Variants in ECT2L observed in about 807,000 individuals in gnomAD.
ECT2L encodes the protein epithelial cell transforming 2 like, also known as epithelial cell-transforming sequence 2 oncogene-like.
Under a neutral mutation model 122.8 loss-of-function variants are expected in ECT2L, and 126 were observed. The observed-to-expected ratio is 1.03, with a 90% confidence interval of 0.89 to 1.19. The LOEUF is 1.19. Among genes scored for constraint, ECT2L ranks in the 50% most tolerant of loss-of-function variants. The pLI, the probability that ECT2L is intolerant of heterozygous loss-of-function variation, is 0.00. For missense variants in ECT2L, 1,012 were observed against 1,064.1 expected, an observed-to-expected ratio of 0.95 and a Z score of 0.68; for synonymous variants, 385 against 381.8, an observed-to-expected ratio of 1.01 and a Z score of -0.10.
chr6:138,826,928 C>A (rs1776473045), intron 4 of ECT2L, among the ~76,000 whole-genome samples: 1 of 152,138 alleles, frequency 6.6e-6, no homozygotes, highest in Non-Finnish European at 1.5e-5. Flanking sequence ...GTGCCTGCTT[C>A]CCCTTCACCT....
intron 10 of ECT2L, among the ~76,000 whole-genome samples, chr6:138,856,597 T>A (rs114924824): frequency 8.7e-4 from 132 of 152,336 alleles, no homozygotes; most frequent in African/African-American, 3.0e-3. Flanking sequence ...TCCTTCCTTG[T>A]TAAACTTGGA....
At chr6:138,892,097 C>G (rs1292404213) in intron 20 of ECT2L, among the ~76,000 whole-genome samples, 1 of 152,148 alleles carries the variant, frequency 6.6e-6, no homozygotes, top group Admixed American at 6.6e-5. Flanking sequence ...GTCCCTATTA[C>G]TTGGATATTC....
intron 1 of ECT2L, among the ~76,000 whole-genome samples, chr6:138,807,299 G>A (rs907991368): frequency 6.6e-6 from 1 of 152,014 alleles, no homozygotes; most frequent in East Asian, 1.9e-4. Context: ...ACTAAAATTT[G>A]CCCCAAAACT....
chr6:138,859,034 T>C (rs775007029), intron 10 of ECT2L, among the ~76,000 whole-genome samples: 5 of 152,140 alleles, frequency 3.3e-5, no homozygotes, highest in Admixed American at 6.5e-5. Context: ...TTTTTTAATA[T>C]GGAACAGCTC....
In ECT2L at chr6:138,886,872, A is replaced by G. The variant is rs1390874612; in HGVS notation, c.2275A>G (p.Thr759Ala). ...TTTCCCCTAGATGAAGCAAAACATCACTATGAAGGATCATCTGTCAGATAT... is the reference window on the plus strand; with the variant it reads ...TTTCCCCTAGATGAAGCAAAACATCGCTATGAAGGATCATCTGTCAGATAT... ...GYIDQMKQNI[T>A]MKDHLSDIQR... Residue 759 changes from threonine (T) to alanine (A), a missense_variant, in exon 19 of 22, where the codon ACT becomes GCT. Transcript: ENST00000541398. 6.2e-7 allele frequency: 1 copy of G among 1,613,532 alleles called. No individual in the cohort carries two copies. Among genetic ancestry groups the G allele is most frequent in the South Asian group, 1.1e-5 (1 of 90,938 alleles).
At chr6:138,881,229 C>A in intron 15 of ECT2L, 58 bp downstream of exon 15, 1 of 1,516,446 alleles carries the variant, frequency 6.6e-7, no homozygotes. Context: ...AGAGCCCATG[C>A]TTTATTGTTT....
At chr6:138,888,317 CTTTTTTTTTT>C (rs71270363) in intron 19 of ECT2L, among the ~76,000 whole-genome samples, 7 of 128,644 alleles carry the variant, frequency 5.4e-5, no homozygotes, top group South Asian at 2.5e-4. Flanking sequence ...TTTTTCTTTT[CTTTTTTTTTT>C]TTTTTTTGAG....
At chr6:138,824,234 G>A (rs1384164159) in intron 4 of ECT2L, among the ~76,000 whole-genome samples, 3 of 151,430 alleles carry the variant, frequency 2.0e-5, no homozygotes, top group Non-Finnish European at 4.4e-5. Flanking sequence ...ACTGGGTGAA[G>A]GGTACCCAGG....
intron 14 of ECT2L, among the ~76,000 whole-genome samples, chr6:138,879,907 C>G (rs1178948588): frequency 6.6e-6 from 1 of 152,064 alleles, no homozygotes; most frequent in Non-Finnish European, 1.5e-5. Context: ...GAGCTGAGAT[C>G]ACACCACTGC....
chr6:138,867,100 A>G (rs925141359), intron 12 of ECT2L, among the ~76,000 whole-genome samples: 1 of 152,034 alleles, frequency 6.6e-6, no homozygotes, highest in Admixed American at 6.5e-5. Flanking sequence ...CAAAAAAACA[A>G]AAAAACAAAT....
chr6:138,902,564 G>A lies in ECT2L; in HGVS notation c.2652G>A (p.Glu884=). ...AATGGATTTGTGCTACAGAAATAGAGGATGATAAGTTCCTATGGCTGTCAG... is the reference window on the plus strand; with the variant it reads ...AATGGATTTGTGCTACAGAAATAGAAGATGATAAGTTCCTATGGCTGTCAG... The part of the protein sequence containing the change: ...KYKWICATEI[E]DDKFLWLSVL... Residue 884 remains glutamate (E), a synonymous_variant, in exon 22 of 22, where the codon GAG becomes GAA. Coordinates refer to ENST00000541398, the MANE Select transcript of ECT2L (RefSeq NM_001077706.3). 1 of 1,613,692 alleles carries A rather than the reference G, an allele frequency of 6.2e-7. No individual in the cohort carries two copies. Among genetic ancestry groups the A allele is most frequent in the South Asian group, 1.1e-5 (1 of 91,042 alleles).
At chr6:138,830,622 C>G (rs899165881) in intron 4 of ECT2L, among the ~76,000 whole-genome samples, 10 of 152,078 alleles carry the variant, frequency 6.6e-5, no homozygotes, top group Non-Finnish European at 1.3e-4. Flanking sequence ...TTTCGGTTAT[C>G]TTGCTTGTCC....
rs759621708 is a variant in ECT2L, at chr6:138,881,191, T to C, written c.1880+20T>C. ...CAACAGGTAAACCCTGAATATGTAT[T>C]TTTTTTAATATTCATTGTGCACTGA... On this transcript the variant is annotated intron_variant, in intron 15 of 21. Coordinates refer to ENST00000541398, the MANE Select transcript of ECT2L (RefSeq NM_001077706.3). 6.2e-7 allele frequency: 1 copy of C among 1,601,988 alleles called. No individual in the cohort carries two copies. The highest frequency in any genetic ancestry group is 1.1e-5 in the South Asian group (1 of 90,010).
intron 20 of ECT2L, among the ~76,000 whole-genome samples, chr6:138,896,318 G>C (rs2128414049): frequency 1.3e-5 from 2 of 152,202 alleles, no homozygotes; most frequent in East Asian, 3.9e-4. Context: ...GGTGAATAGA[G>C]GCCTGGCCTT....
intron 20 of ECT2L, among the ~76,000 whole-genome samples, chr6:138,889,563 A>G (rs1250226890): frequency 6.6e-6 from 1 of 152,116 alleles, no homozygotes; most frequent in Non-Finnish European, 1.5e-5. Context: ...CCAGTGGTCC[A>G]CCTGCCTTGG....
intron 20 of ECT2L, among the ~76,000 whole-genome samples, chr6:138,890,492 C>CT (rs552594959): frequency 0.016 from 1,223 of 78,886 alleles, 89 homozygotes; most frequent in African/African-American, 0.023. Context: ...TTTCTTTGAT[C>CT]TTTTTTTTTT....
At position 138,890,193 on chromosome 6, in the gene ECT2L, CCTTT is replaced by C. The variant is rs754886404; in HGVS notation, c.2414+1167_2414+1170del. Among the ~76,000 whole-genome samples, 5 of 152,002 alleles carry C rather than the reference CCTTT, an allele frequency of 3.3e-5. 1 individual carries two copies. Among genetic ancestry groups the C allele is most frequent in the Non-Finnish European group, 2.9e-5 (2 of 67,924 alleles). On this transcript the variant is annotated intron_variant, in intron 20 of 21. Transcript: ENST00000541398. ...TAAAATTCTATTCTCAAACATTCTT[CCTTT>C]CTTTACATAAGTTTGATTTTCAGTA...
At chr6:138,818,731 G>A (rs1480175801) in intron 4 of ECT2L, among the ~76,000 whole-genome samples, 1 of 152,106 alleles carries the variant, frequency 6.6e-6, no homozygotes, top group Non-Finnish European at 1.5e-5. Flanking sequence ...TCAATGGATG[G>A]AAAATTACTC....
intron 20 of ECT2L, among the ~76,000 whole-genome samples, chr6:138,895,570 TA>T: frequency 6.6e-6 from 1 of 152,068 alleles, no homozygotes; most frequent in African/African-American, 2.4e-5. Flanking sequence ...AACATATATA[TA>T]TATATTTTTC....
Sources: gnomAD v4.1 joint callset for allele counts (sites outside exome capture counted in the v4.1 genomes callset) on GRCh38, gnomAD v4.1.1 for gene constraint, MANE v1.5 for transcripts, NCBI Gene and HGNC (gene_info 2026-07-23, HGNC 2026-07-21) for gene names.